The following DTNB variants were observed in gnomAD, a reference collection of about 807,000 sequenced individuals.
DTNB encodes the protein DTN-B.
DTNB carries 63 observed loss-of-function variants against 90.7 expected under a neutral mutation model. The ratio of observed to expected loss-of-function variants is 0.69; its 90% CI spans 0.57 to 0.86. The LOEUF is 0.86. Among genes scored for constraint, DTNB ranks in the 40% least tolerant of loss-of-function variants. The pLI is 0.00. For missense variants in DTNB, 744 were observed against 807.1 expected (o/e 0.92, Z 0.95); for synonymous variants, 277 against 286.7 (o/e 0.97, Z 0.34).
At chr2:25,577,054 T>C in intron 7 of DTNB, 50 bp from the exon 8 acceptor site, 1 of 1,464,782 alleles carries the variant, frequency 6.8e-7, no homozygotes. Context: ...AGGGAAGGGA[T>C]AGAATAAAAG....
chr2:25,433,835 C>G, intron 13 of DTNB, 75 bp downstream of exon 13: 1 of 1,558,938 alleles, frequency 6.4e-7, no homozygotes, highest in Non-Finnish European at 8.8e-7. Context: ...CACCTAGTAT[C>G]CAAGGAAAAT....
intron 4 of DTNB, among the ~76,000 whole-genome samples, 177 bp from the exon 5 acceptor site, chr2:25,607,498 A>C (rs1323295440): frequency 2.6e-5 from 4 of 151,794 alleles, no homozygotes. Context: ...GACTTCACCT[A>C]TGCTAGGTGA....
chr2:25,448,824 C>A (rs1366726117), intron 12 of DTNB, among the ~76,000 whole-genome samples: 1 of 149,634 alleles, frequency 6.7e-6, no homozygotes, highest in Non-Finnish European at 1.5e-5. Flanking sequence ...ACATTGCACT[C>A]CAACCTGGGC....
chr2:25,422,392 C>CTT (rs2050017810), intron 15 of DTNB, among the ~76,000 whole-genome samples: 2 of 117,868 alleles, frequency 1.7e-5, no homozygotes, highest in African/African-American at 3.1e-5. Flanking sequence ...TTCCTTTTCT[C>CTT]TTCTTTTTTT....
At chr2:25,540,721 C>A (rs840001) in intron 8 of DTNB, among the ~76,000 whole-genome samples, 1 of 151,718 alleles carries the variant, frequency 6.6e-6, no homozygotes, top group African/African-American at 2.4e-5. Flanking sequence ...GCCTTGGGAT[C>A]CTGTTGATCT....
chr2:25,441,964 AT>A (rs200610357), intron 12 of DTNB, among the ~76,000 whole-genome samples: 2 of 150,890 alleles, frequency 1.3e-5, no homozygotes, highest in Admixed American at 6.6e-5. Flanking sequence ...CCCTAAACAG[AT>A]TTTTTTTTTC....
In DTNB at chr2:25,451,541, A is replaced by G. The variant is rs902096029; in HGVS notation, c.1257+7T>C. On this transcript the variant is annotated splice_region_variant and intron_variant, in intron 12 of 20. Coordinates refer to ENST00000406818, the MANE Select transcript of DTNB (RefSeq NM_021907.5). ...TGCTACTCTCCTGGGATCCTCCATT[A>G]ACTTACCACGTTTCCTGCTTCTGCA... 2.6e-5 allele frequency: 42 copies of G among 1,604,048 alleles called. No individual in the cohort carries two copies. The highest frequency in any genetic ancestry group is 3.4e-5 in the Non-Finnish European group (40 of 1,175,220).
chr2:25,500,983 C>T (rs1013663335), intron 9 of DTNB, among the ~76,000 whole-genome samples: 8 of 152,078 alleles, frequency 5.3e-5, no homozygotes, highest in South Asian at 4.1e-4. Flanking sequence ...TGGGGCCCCC[C>T]GAAAAGCAGA....
At chr2:25,661,499 G>A (rs76200887) in intron 1 of DTNB, among the ~76,000 whole-genome samples, 5,424 of 152,296 alleles carry the variant, frequency 0.036, 131 homozygotes, top group Non-Finnish European at 0.059. Flanking sequence ...GGAATCCAAG[G>A]AAGGGATTAC....
rs1198368434 is a variant in DTNB at position 25,509,605 on chromosome 2, G to T, written c.1001+21868C>A. ...ATTCCACTCTCCTTTGGTTTCTAAT[G>T]TTGCTCTTCAGAAGTCAGCTCTCTG... On this transcript the variant is annotated intron_variant, in intron 9 of 20. Transcript: ENST00000406818. Among the ~76,000 whole-genome samples the T allele has an allele frequency of 2.6e-5, 4 of 151,854 alleles. No individual in the cohort carries two copies. In the South Asian group the frequency reaches 8.3e-4, roughly 32 times the overall value.
chr2:25,571,862 G>GATAT lies in DTNB; in HGVS notation c.876+4972_876+4975dup, dbSNP rs61009849. On this transcript the variant is annotated intron_variant, in intron 8 of 20. Coordinates refer to ENST00000406818, the MANE Select transcript of DTNB (RefSeq NM_021907.5). ...CTTCAAACTGCCTTGGCTGAGAAGC[G>GATAT]ATATATATATATATAATATACAACA... is the stretch of plus-strand genomic sequence containing the variant. Among the ~76,000 whole-genome samples the GATAT allele has an allele frequency of 4.0e-5, 6 of 150,700 alleles. No homozygotes were observed. The East Asian group carries it at 9.7e-4, about 24-fold the overall frequency.
chr2:25,629,562 T>A (rs1264654824), intron 3 of DTNB, among the ~76,000 whole-genome samples: 4 of 152,086 alleles, frequency 2.6e-5, no homozygotes, highest in African/African-American at 9.7e-5. Context: ...ATAAAAAAGA[T>A]TTAAATATAA....
chr2:25,521,681 C>T (rs2076162389), intron 9 of DTNB, among the ~76,000 whole-genome samples: 1 of 152,194 alleles, frequency 6.6e-6, no homozygotes, highest in Non-Finnish European at 1.5e-5. Context: ...CCACTGAGGC[C>T]AGTCCCAATA....
At chr2:25,592,500 T>C (rs1013649657) in intron 6 of DTNB, among the ~76,000 whole-genome samples, 1 of 152,094 alleles carries the variant, frequency 6.6e-6, no homozygotes, top group African/African-American at 2.4e-5. Context: ...TATAAACGCA[T>C]CTAATTTCTC....
intron 9 of DTNB, among the ~76,000 whole-genome samples, chr2:25,489,245 A>G (rs1348825290): frequency 6.6e-6 from 1 of 152,236 alleles, no homozygotes; most frequent in Non-Finnish European, 1.5e-5. Flanking sequence ...GAATAGATAA[A>G]TAACTTGTAC....
intron 9 of DTNB, among the ~76,000 whole-genome samples, chr2:25,498,616 C>T (rs1020534388): frequency 1.3e-4 from 19 of 151,866 alleles, no homozygotes; most frequent in South Asian, 4.2e-4. Context: ...GAGGCTGAGG[C>T]GGGTGGACTG....
intron 8 of DTNB, among the ~76,000 whole-genome samples, chr2:25,535,358 GCTC>G (rs1558926354): frequency 7.0e-6 from 1 of 142,650 alleles, no homozygotes; most frequent in Non-Finnish European, 1.5e-5. Context: ...GGGCAGAGGC[GCTC>G]CTCACTTCCT....
chr2:25,482,612 G>A (rs889828334), intron 10 of DTNB, among the ~76,000 whole-genome samples, 184 bp downstream of exon 10: 11 of 151,950 alleles, frequency 7.2e-5, no homozygotes, highest in African/African-American at 2.2e-4. Context: ...TTTGTGAGTC[G>A]GTGGGGGAAA....
chr2:25,463,888 C>T (rs1011962383), intron 10 of DTNB, among the ~76,000 whole-genome samples: 4 of 152,110 alleles, frequency 2.6e-5, no homozygotes, highest in African/African-American at 9.7e-5. Flanking sequence ...TGTGCATATA[C>T]GCATACTGAT....
Sources: allele counts gnomAD v4.1 joint callset (sites outside exome capture counted in the v4.1 genomes callset), GRCh38; gene constraint gnomAD v4.1.1; transcripts MANE v1.5; gene names NCBI Gene and HGNC (gene_info 2026-07-23, HGNC 2026-07-21).